The following CLCA2 variants were observed in gnomAD, a reference collection of about 807,000 sequenced individuals.
CLCA2 encodes calcium-activated chloride channel regulator 2.
In CLCA2, 85 loss-of-function variants were observed where a neutral mutation model predicts 82.9. The ratio of observed to expected loss-of-function variants is 1.03; its 90% CI spans 0.86 to 1.23. The LOEUF is 1.23. Among genes scored for constraint, CLCA2 ranks in the 50% most tolerant of loss-of-function variants. CLCA2 has a pLI of 0.00. For synonymous variants in CLCA2, 421 were observed against 391.7 expected (o/e 1.07, Z -0.88); for missense variants, 1,089 against 1,124.8 (o/e 0.97, Z 0.45).
At position 86,428,722 on chromosome 1, in the gene CLCA2, G is replaced by C. The variant is rs535447432; in HGVS notation, c.475+154G>C. Among the ~76,000 whole-genome samples, 4 of 152,258 alleles carry C rather than the reference G, an allele frequency of 2.6e-5. No homozygotes were observed. The South Asian group carries it at 8.3e-4, about 32-fold the overall frequency. On this transcript the variant is annotated intron_variant, in intron 3 of 13. Transcript: ENST00000370565. ...GGTCATATGCCCATGCAAAGATGAG[G>C]GGCTAAAGTGAACTCGAAAGAGTTT...
chr1:86,442,521 T>C (rs960799713), intron 9 of CLCA2, among the ~76,000 whole-genome samples: 1 of 152,346 alleles, frequency 6.6e-6, no homozygotes, highest in Middle Eastern at 3.4e-3. Context: ...AGGTGGGAAC[T>C]ACATGTAAAT....
intron 5 of CLCA2, among the ~76,000 whole-genome samples, chr1:86,433,023 T>C (rs180749403): frequency 7.9e-5 from 12 of 152,346 alleles, no homozygotes; most frequent in Non-Finnish European, 1.5e-4. Flanking sequence ...CCATGCTAAC[T>C]AACTGACAAG....
chr1:86,434,721 G>T lies in CLCA2; in HGVS notation c.948G>T (p.Leu316=). The T allele has an allele frequency of 6.2e-7, 1 of 1,613,434 alleles. No homozygotes were observed. The highest frequency in any genetic ancestry group is 1.7e-4 in the Middle Eastern group (1 of 6,054). Reference sequence around the variant, plus strand: ...GTGACAAAGTGGTCTGTTTAGTGCTGGATGTGTCCAGCAAGATGGCAGAGG... The same window carrying T: ...GTGACAAAGTGGTCTGTTTAGTGCTTGATGTGTCCAGCAAGATGGCAGAGG... ...QAGDKVVCLV[L]DVSSKMAEAD... is the part of the protein sequence containing the mutation. Residue 316 remains leucine, a synonymous_variant, in exon 6 of 14, where the codon CTG becomes CTT. Transcript: ENST00000370565.
chr1:86,431,455 G>C (rs1662497356), intron 4 of CLCA2, among the ~76,000 whole-genome samples: 1 of 152,050 alleles, frequency 6.6e-6, no homozygotes. Flanking sequence ...TCAGTAACAC[G>C]CAGTTCATAG....
chr1:86,450,693 A>G lies in CLCA2; in HGVS notation c.2115A>G (p.Pro705=). The change falls in exon 12 of 14, where the codon CCA becomes CCG. Residue 705 remains proline (P), a synonymous_variant. Coordinates refer to ENST00000370565, the MANE Select transcript of CLCA2 (RefSeq NM_006536.7). ...TAAGCACCCCAGCCCACTCTATTCC[A>G]GGGAGTCATGCTATGTATGTACCAG... ...PSISTPAHSI[P]GSHAMYVPGY... The G allele has an allele frequency of 6.2e-7, 1 of 1,612,956 alleles. No individual in the cohort carries two copies. The highest frequency in any genetic ancestry group is 8.5e-7 in the Non-Finnish European group (1 of 1,179,316).
intron 13 of CLCA2, among the ~76,000 whole-genome samples, chr1:86,454,508 C>G (rs969273672): frequency 2.6e-4 from 39 of 152,214 alleles, no homozygotes; most frequent in African/African-American, 8.9e-4. Flanking sequence ...AATCACATAA[C>G]AGACCAGGCG....
chr1:86,451,265 C>A (rs969789), intron 12 of CLCA2, among the ~76,000 whole-genome samples: 7,944 of 152,088 alleles, frequency 0.052, 224 homozygotes, highest in Middle Eastern at 0.11. Flanking sequence ...CTTTTTAACA[C>A]CATTATAATA....
chr1:86,450,597 G>A lies in CLCA2; in HGVS notation c.2019G>A (p.Ser673=), dbSNP rs779676832. The part of the protein sequence containing the change: ...ADVIKNDGIY[S]RYFFSFAANG... ...TTATAAAAAATGATGGAATTTACTC[G>A]AGGTATTTTTTCTCCTTTGCTGCAA... Residue 673 remains serine, a synonymous_variant, in exon 12 of 14, where the codon TCG becomes TCA. Transcript: ENST00000370565. 16 of 1,612,508 alleles carry A rather than the reference G, an allele frequency of 9.9e-6. No individual in the cohort carries two copies. Among genetic ancestry groups the A allele is most frequent in the Admixed American group, 6.7e-5 (4 of 59,864 alleles).
chr1:86,449,558 T>G (rs938157255), intron 11 of CLCA2, among the ~76,000 whole-genome samples: 7 of 152,268 alleles, frequency 4.6e-5, no homozygotes, highest in African/African-American at 1.7e-4. Flanking sequence ...AAATCTATCT[T>G]GATAATAAAA....
intron 6 of CLCA2, among the ~76,000 whole-genome samples, chr1:86,438,266 G>A (rs762532822): frequency 2.0e-5 from 3 of 152,164 alleles, no homozygotes; most frequent in Non-Finnish European, 4.4e-5. Context: ...AGCATCACCT[G>A]CCCAAAACTG....
rs973415105 is a variant in CLCA2, at chr1:86,434,806, A to C, written c.972+61A>C. 14 of 1,356,942 alleles carry C rather than the reference A, an allele frequency of 1.0e-5. No homozygotes were observed. In the African/African-American group the frequency reaches 1.7e-4, roughly 17 times the overall value. The allele number at this position is 1,356,942 out of a possible 1,614,324, so 84.1% of individuals were successfully genotyped here. A position where few individuals can be genotyped will look rare whatever the true frequency, so the allele number is the denominator to read the frequency against. On this transcript the variant is annotated intron_variant, in intron 6 of 13. Coordinates refer to ENST00000370565, the MANE Select transcript of CLCA2 (RefSeq NM_006536.7). Reference sequence around the variant, plus strand: ...TCATTTTTTCTATCAGTTCTTTATTATCTCAATTTATTTTAAGTTCTGGGG... The same window carrying C: ...TCATTTTTTCTATCAGTTCTTTATTCTCTCAATTTATTTTAAGTTCTGGGG...
intron 11 of CLCA2, chr1:86,448,486 G>A (rs1662900087): frequency 6.6e-6 from 1 of 152,164 alleles, no homozygotes; most frequent in Admixed American, 6.5e-5. Context: ...GCAGCACTTG[G>A]GATCCTTTGA....
At chr1:86,429,365 T>C (rs1662448968) in intron 3 of CLCA2, among the ~76,000 whole-genome samples, 1 of 152,146 alleles carries the variant, frequency 6.6e-6, no homozygotes, top group Non-Finnish European at 1.5e-5. Context: ...AAAAGAGGTC[T>C]GAACTGCTGC....
chr1:86,454,093 TTGGGTAAACA>T (rs1663026673), intron 13 of CLCA2, among the ~76,000 whole-genome samples: 1 of 152,222 alleles, frequency 6.6e-6, no homozygotes, highest in Non-Finnish European at 1.5e-5. Context: ...TTATTCTCGC[TTGGGTAAACA>T]TTGACGGAGT....
Position 86,440,175 on chromosome 1 carries a change from T to C in CLCA2, c.1231T>C (p.Tyr411His), listed in dbSNP as rs781738328. The C allele has an allele frequency of 5.6e-6, 9 of 1,614,052 alleles. 1 individual carries two copies. In the South Asian group the frequency reaches 9.9e-5, roughly 18 times the overall value. Reference protein sequence around the residue: ...EVVEKLNGKAYGSVMILVTSG... With the variant: ...EVVEKLNGKAHGSVMILVTSG... ...GGTTGAAAAACTGAATGGAAAAGCT[T>C]ATGGCTCTGTGATGATATTAGTGAC... is the stretch of plus-strand genomic sequence containing the variant. The change falls in exon 8 of 14, where the codon TAT becomes CAT. Residue 411 changes from tyrosine (Y) to histidine (H), a missense_variant. Tyr to His is a moderately conservative substitution (Grantham distance 83, BLOSUM62 2). Coordinates refer to ENST00000370565, the MANE Select transcript of CLCA2 (RefSeq NM_006536.7).
intron 9 of CLCA2, among the ~76,000 whole-genome samples, chr1:86,443,325 G>A (rs1001442762): frequency 1.3e-5 from 2 of 152,132 alleles, no homozygotes; most frequent in African/African-American, 4.8e-5. Context: ...CACTGTGCCC[G>A]GCCTAAATAA....
chr1:86,424,262 C>T lies in CLCA2; in HGVS notation c.15C>T (p.Ser5=). Residue 5 remains serine, a synonymous_variant, in exon 1 of 14, where the codon AGC becomes AGT. Transcript: ENST00000370565. The stretch of plus-strand genomic sequence containing the variant: ...TTCTCTACAACATGACCCAAAGGAG[C>T]ATTGCAGGTCCTATTTGCAACCTGA... MTQR[S]IAGPICNLKF... 1 of 1,612,762 alleles carries T rather than the reference C, an allele frequency of 6.2e-7. No homozygotes were observed.
chr1:86,453,611 G>A lies in CLCA2; in HGVS notation c.2389+9G>A. The A allele has an allele frequency of 6.2e-7, 1 of 1,608,904 alleles. No individual in the cohort carries two copies. The highest frequency in any genetic ancestry group is 8.5e-7 in the Non-Finnish European group (1 of 1,176,732). ...CTTTGATCAGGGCCAGGGTAGGTTT[G>A]CTCATTTCATTACCTATTTTTCCAT... is the stretch of plus-strand genomic sequence containing the variant. On this transcript the variant is annotated intron_variant, in intron 13 of 13. Coordinates refer to ENST00000370565, the MANE Select transcript of CLCA2 (RefSeq NM_006536.7).
At position 86,428,502 on chromosome 1, in the gene CLCA2, A is replaced by C. The variant is rs755230858; in HGVS notation, c.409A>C (p.Lys137Gln). Reference protein sequence around the residue: ...LQYRGCGKEGKYIHFTPNFLL... With the variant: ...LQYRGCGKEGQYIHFTPNFLL... ...ATACAGAGGGTGTGGAAAAGAGGGA[A>C]AATACATTCATTTCACACCTAATTT... The change falls in exon 3 of 14, where the codon AAA becomes CAA. Residue 137 changes from lysine (K) to glutamine (Q), a missense_variant. Physicochemically the swap from Lys to Gln is moderately conservative, Grantham distance 53. Transcript: ENST00000370565. 2 of 1,613,832 alleles carry C rather than the reference A, an allele frequency of 1.2e-6. No homozygotes were observed. Among genetic ancestry groups the C allele is most frequent in the Non-Finnish European group, 8.5e-7 (1 of 1,179,798 alleles).
Sources: gnomAD v4.1 joint callset for allele counts (sites outside exome capture counted in the v4.1 genomes callset) on GRCh38, gnomAD v4.1.1 for gene constraint, MANE v1.5 for transcripts, NCBI Gene and HGNC (gene_info 2026-07-23, HGNC 2026-07-21) for gene names.